AGMO: variants seen among roughly 807,000 people sequenced by gnomAD.
AGMO encodes the protein glyceryl-ether monooxygenase.
AGMO carries 75 observed loss-of-function variants against 60.2 expected under a neutral mutation model. The observed-to-expected ratio is 1.25, with a 90% CI of 1.03 to 1.51. The LOEUF (loss-of-function observed/expected upper bound fraction) is 1.51, where lower values mean the gene tolerates loss of function less well. Ranked by LOEUF, AGMO falls within the 40% of genes most tolerant of loss-of-function variation. The pLI is 0.00. For synonymous variants in AGMO, 261 were observed against 177.1 expected (o/e 1.47, Z -3.76); for missense variants, 763 against 525.5 (o/e 1.45, Z -4.42).
chr7:15,119,761 A>G, the AGMO span, among the ~76,000 whole-genome samples: 3 of 152,102 alleles, frequency 2.0e-5, no homozygotes, highest in African/African-American at 7.2e-5. Flanking sequence ...TTAACTAGAC[A>G]CTTTTTCCCC....
chr7:15,522,056 T>C (rs1029776988), intron 3 of AGMO, among the ~76,000 whole-genome samples: 5 of 151,802 alleles, frequency 3.3e-5, no homozygotes, highest in East Asian at 1.9e-4. Context: ...CAAACAATAA[T>C]AGACAAAGAG....
chr7:15,560,058 T>G (rs1279746935), intron 2 of AGMO, 83 bp downstream of exon 2: 1 of 1,267,834 alleles, frequency 7.9e-7, no homozygotes, highest in Non-Finnish European at 1.0e-6. Flanking sequence ...ATAAACTAAT[T>G]CTCCCATGCA....
chr7:15,272,213 T>C (rs932316698), intron 12 of AGMO, among the ~76,000 whole-genome samples: 5 of 151,806 alleles, frequency 3.3e-5, no homozygotes, highest in African/African-American at 4.8e-5. Context: ...ATGTGCCATG[T>C]TGGTGTGCTG....
intron 2 of AGMO, among the ~76,000 whole-genome samples, chr7:15,557,204 T>C (rs1310020974): frequency 6.6e-6 from 1 of 152,092 alleles, no homozygotes; most frequent in African/African-American, 2.4e-5. Context: ...AATGGCGAAG[T>C]GGAAAAACAC....
chr7:15,460,871 G>C (rs1172351356), intron 3 of AGMO, among the ~76,000 whole-genome samples: 1 of 152,120 alleles, frequency 6.6e-6, no homozygotes, highest in Non-Finnish European at 1.5e-5. Flanking sequence ...TGATAAAGCT[G>C]AAGTGATTTA....
In AGMO at chr7:15,448,124, A is replaced by C. The variant is rs562950782; in HGVS notation, c.410-17016T>G. Among the ~76,000 whole-genome samples the C allele has an allele frequency of 1.2e-3, 181 of 152,332 alleles. 1 individual carries two copies. The highest frequency in any genetic ancestry group is 0.01 in the Middle Eastern group (3 of 294). The stretch of plus-strand genomic sequence containing the variant: ...AGCAACAGACCTAATCCTTTGAACC[A>C]TCCAATGAAATGAACTGCTATGGGC... On this transcript the variant is annotated intron_variant, in intron 3 of 12. Coordinates refer to ENST00000342526, the MANE Select transcript of AGMO (RefSeq NM_001004320.2).
At chr7:15,439,205 C>T (rs972223438) in intron 3 of AGMO, among the ~76,000 whole-genome samples, 15 of 152,028 alleles carry the variant, frequency 9.9e-5, no homozygotes, top group African/African-American at 1.4e-4. Context: ...AAGACCATCC[C>T]GGCCAACATG....
At chr7:15,196,029 C>T (rs1290252210), downstream of AGMO, among the ~76,000 whole-genome samples, 12 of 151,188 alleles carry the variant, frequency 7.9e-5, no homozygotes, top group Non-Finnish European at 1.6e-4. Flanking sequence ...TCTTTTCTTT[C>T]CCCCTCCTCT....
intron 3 of AGMO, among the ~76,000 whole-genome samples, chr7:15,456,787 G>A (rs995427342): frequency 3.9e-5 from 6 of 152,070 alleles, no homozygotes; most frequent in African/African-American, 9.7e-5. Context: ...GGCTCTGTGC[G>A]CTACTATTTT....
the AGMO span, among the ~76,000 whole-genome samples, chr7:15,140,882 A>G: frequency 2.0e-5 from 3 of 152,104 alleles, no homozygotes; most frequent in African/African-American, 7.2e-5. Context: ...GCCCTTAAAC[A>G]AACACCTGTT....
the AGMO span, among the ~76,000 whole-genome samples, chr7:15,190,201 T>A: frequency 1.4e-4 from 2 of 13,888 alleles, no homozygotes; most frequent in Non-Finnish European, 4.7e-4. Flanking sequence ...ATATATATAT[T>A]TATATATATA....
intron 5 of AGMO, among the ~76,000 whole-genome samples, chr7:15,413,697 T>C (rs59662825): frequency 0.069 from 10,519 of 152,116 alleles, 536 homozygotes; most frequent in African/African-American, 0.14. Flanking sequence ...AACAAAGGAA[T>C]ATCCATTAAG....
intron 12 of AGMO, among the ~76,000 whole-genome samples, chr7:15,345,085 C>A (rs117688392): frequency 1.3e-5 from 2 of 152,136 alleles, no homozygotes; most frequent in Non-Finnish European, 2.9e-5. Context: ...CCTACCTCCA[C>A]CAATTTCTTC....
intron 4 of AGMO, among the ~76,000 whole-genome samples, chr7:15,427,919 T>A (rs537054199): frequency 6.1e-4 from 90 of 146,712 alleles, no homozygotes; most frequent in African/African-American, 2.1e-3. Flanking sequence ...GAAAGTTGAA[T>A]TCTTATGTGT....
At chr7:15,354,838 T>C (rs895217898) in intron 12 of AGMO, among the ~76,000 whole-genome samples, 1 of 150,884 alleles carries the variant, frequency 6.6e-6, no homozygotes, top group Non-Finnish European at 1.5e-5. Context: ...GAATTTGTTT[T>C]CTAAAAATAA....
intron 3 of AGMO, among the ~76,000 whole-genome samples, chr7:15,498,180 C>T (rs974612924): frequency 2.0e-4 from 31 of 151,870 alleles, no homozygotes; most frequent in African/African-American, 7.3e-4. Context: ...AAAAGCTATC[C>T]AAAAGCCAAT....
chr7:15,354,327 T>TGTATATAC lies in AGMO; in HGVS notation c.1263+11186_1263+11187insGTATATAC, dbSNP rs1491261219. ...ACGTGTATACACGCGTGTATATACGTACGCGTGTATATACACGCGTGTATA... is the reference window on the plus strand; with the variant it reads ...ACGTGTATACACGCGTGTATATACGTGTATATACACGCGTGTATATACACGCGTGTATA... On this transcript the variant is annotated intron_variant, in intron 12 of 12. Coordinates refer to ENST00000342526, the MANE Select transcript of AGMO (RefSeq NM_001004320.2). Among the ~76,000 whole-genome samples the TGTATATAC allele has an allele frequency of 1.6e-4, 5 of 32,222 alleles. 1 individual carries two copies. Among genetic ancestry groups the TGTATATAC allele is most frequent in the Admixed American group, 7.8e-4 (3 of 3,828 alleles). The allele number at this position is 32,222 out of a possible 152,430, so 21.1% of individuals were successfully genotyped here.
At chr7:15,332,362 A>C (rs1356272200) in intron 12 of AGMO, among the ~76,000 whole-genome samples, 1 of 152,170 alleles carries the variant, frequency 6.6e-6, no homozygotes, top group South Asian at 2.1e-4. Flanking sequence ...CTAAACTGTT[A>C]AACGTAACAT....
At chr7:15,385,849 T>A (rs1204248709) in intron 9 of AGMO, among the ~76,000 whole-genome samples, 2 of 152,138 alleles carry the variant, frequency 1.3e-5, no homozygotes, top group Non-Finnish European at 2.9e-5. Flanking sequence ...ATTTGATATG[T>A]CCACGATCAC....
Sources: allele counts gnomAD v4.1 joint callset (sites outside exome capture counted in the v4.1 genomes callset), GRCh38; gene constraint gnomAD v4.1.1; transcripts MANE v1.5; gene names NCBI Gene and HGNC (gene_info 2026-07-23, HGNC 2026-07-21).